XAF1: variants seen among roughly 807,000 people sequenced by gnomAD.
The protein encoded by XAF1 is XIAP-associated factor 1.
A neutral mutation model predicts 32.3 loss-of-function variants in XAF1; 32 were observed. The ratio of observed to expected loss-of-function variants is 0.99; its 90% CI spans 0.75 to 1.33. XAF1 has a LOEUF of 1.33. XAF1 is among the 40% of genes most tolerant of loss of function. The pLI is 0.00. For missense variants in XAF1, 379 were observed against 366.0 expected, an observed-to-expected ratio of 1.04 and a Z score of -0.29; for synonymous variants, 120 against 125.9, an observed-to-expected ratio of 0.95 and a Z score of 0.31.
upstream of XAF1, chr17:6,755,945 G>T: frequency 6.4e-7 from 1 of 1,555,672 alleles, no homozygotes; most frequent in East Asian, 2.3e-5. Context: ...GGAATCAAGG[G>T]GAACTCCTGA....
chr17:6,759,528 A>G (rs1012166713), intron 2 of XAF1, 134 bp from the exon 3 acceptor site: 3 of 1,515,746 alleles, frequency 2.0e-6, no homozygotes, highest in Non-Finnish European at 2.6e-6. Context: ...AGGTAGCCAC[A>G]TCGGATCCCT....
chr17:6,762,217 G>T lies in XAF1; in HGVS notation c.484G>T (p.Glu162Ter), dbSNP rs1246236411. 12 of 1,613,012 alleles carry T rather than the reference G, an allele frequency of 7.4e-6. No homozygotes were observed. The highest frequency in any genetic ancestry group is 1.7e-5 in the Admixed American group (1 of 59,924). ...TCATTATTGCAACCAAATGATTCCA[G>T]AAAATAAGTATTTCCACCATATGGT... ...YCHYCNQMIPENKYFHHMGKC... is the reference protein window; with the variant it reads ...YCHYCNQMIP The change falls in exon 5 of 7, where the codon GAA (glutamate) becomes TAA (stop). Residue 162 changes from glutamate (E) to a stop codon, truncating the protein, a stop_gained. Transcript: ENST00000361842. LOFTEE classifies it high-confidence loss of function.
At chr17:6,764,308 T>C (rs1243448936) in intron 5 of XAF1, among the ~76,000 whole-genome samples, 6 of 152,214 alleles carry the variant, frequency 3.9e-5, no homozygotes, top group Admixed American at 1.3e-4. Context: ...GAGCTTCCTA[T>C]GTGCCTCTCT....
At position 6,773,581 on chromosome 17, in the gene XAF1, A is replaced by G. The variant is rs1976218000; in HGVS notation, c.*412A>G. The G allele has an allele frequency of 6.5e-6, 1 of 154,402 alleles. No individual in the cohort carries two copies. Among genetic ancestry groups the G allele is most frequent in the Admixed American group, 6.5e-5 (1 of 15,306 alleles). The allele number at this position is 154,402 out of a possible 1,614,324, so 9.6% of individuals were successfully genotyped here. A position where few individuals can be genotyped will look rare whatever the true frequency, so the allele number is the denominator to read the frequency against. ...GCAATCAGGCAAGAGAAAGAAATAA[A>G]AGGCAACCAAAAAGAAAGGAAGTCG... is the stretch of plus-strand genomic sequence containing the variant. On this transcript the variant is annotated 3_prime_UTR_variant, in exon 7 of 7. Transcript: ENST00000361842.
chr17:6,756,305 A>C (rs1597706527), intron 1 of XAF1, 195 bp downstream of exon 1: 1 of 1,399,908 alleles, frequency 7.1e-7, no homozygotes. Context: ...GGGCAGCATT[A>C]CCTCCACTTC....
intron 5 of XAF1, among the ~76,000 whole-genome samples, chr17:6,767,698 G>A (rs769313600): frequency 5.3e-5 from 8 of 151,952 alleles, no homozygotes; most frequent in Non-Finnish European, 1.2e-4. Context: ...TTCCCCCATC[G>A]TTTTGGGGCC....
chr17:6,755,901 C>G, upstream of XAF1: 8 of 1,434,034 alleles, frequency 5.6e-6, no homozygotes, highest in Non-Finnish European at 7.3e-6. Flanking sequence ...GCTGGCCATG[C>G]TGTAAAGGGG....
chr17:6,761,822 G>C, intron 4 of XAF1: 8 of 1,344,448 alleles, frequency 6.0e-6, no homozygotes, highest in Non-Finnish European at 7.8e-6. Flanking sequence ...CTGGTGCAAT[G>C]AAAGAGCACA....
intron 5 of XAF1, among the ~76,000 whole-genome samples, chr17:6,767,732 T>G (rs1359358353): frequency 2.0e-5 from 3 of 147,424 alleles, no homozygotes; most frequent in Non-Finnish European, 4.4e-5. Context: ...TCTTGTTCAT[T>G]ACTACTGCTG....
chr17:6,759,195 C>A (rs1165402621), intron 2 of XAF1: 1 of 1,030,248 alleles, frequency 9.7e-7, no homozygotes, highest in African/African-American at 1.7e-5. Context: ...GTTAATCCTG[C>A]CTTTTTCATG....
intron 1 of XAF1, 72 bp from the exon 2 acceptor site, chr17:6,758,017 A>G (rs1974830261): frequency 1.9e-6 from 3 of 1,600,812 alleles, no homozygotes; most frequent in East Asian, 4.5e-5. Flanking sequence ...AGCCCTGGGT[A>G]TGAAATACAG....
At chr17:6,765,324 A>T (rs548295885) in intron 5 of XAF1, among the ~76,000 whole-genome samples, 55 of 152,248 alleles carry the variant, frequency 3.6e-4, no homozygotes, top group Non-Finnish European at 6.9e-4. Flanking sequence ...GAGGCAGGAG[A>T]ATGGCGTGAA....
chr17:6,759,618 G>A (rs1975012481), intron 2 of XAF1, 44 bp from the exon 3 acceptor site: 1 of 1,604,510 alleles, frequency 6.2e-7, no homozygotes, highest in African/African-American at 1.4e-5. Context: ...GTGCTGGGTG[G>A]ACCCACATCT....
At chr17:6,765,657 A>G (rs1262282609) in intron 5 of XAF1, among the ~76,000 whole-genome samples, 2 of 152,134 alleles carry the variant, frequency 1.3e-5, no homozygotes, top group African/African-American at 4.8e-5. Context: ...CCAGTTGTTC[A>G]GGCCAAAATC....
chr17:6,763,827 C>T (rs1393053843), intron 5 of XAF1, among the ~76,000 whole-genome samples: 3 of 152,174 alleles, frequency 2.0e-5, no homozygotes, highest in South Asian at 2.1e-4. Flanking sequence ...GTCTGAGATG[C>T]GCTGCCCCAG....
chr17:6,769,370 T>C (rs1467463912), intron 5 of XAF1, among the ~76,000 whole-genome samples: 1 of 152,220 alleles, frequency 6.6e-6, no homozygotes, highest in Non-Finnish European at 1.5e-5. Flanking sequence ...AATGTATATA[T>C]ATATTAAAAT....
At chr17:6,756,190 A>G in intron 1 of XAF1, 80 bp downstream of exon 1, 1 of 1,608,706 alleles carries the variant, frequency 6.2e-7, no homozygotes, top group South Asian at 1.1e-5. Context: ...TTCTGAAGGG[A>G]GCAGAAAGTG....
chr17:6,758,380 C>G (rs1179006067), intron 2 of XAF1, 156 bp downstream of exon 2: 20 of 1,124,126 alleles, frequency 1.8e-5, no homozygotes, highest in Non-Finnish European at 2.1e-5. Context: ...TCAGTCCTCT[C>G]TGCAGGAGAG....
chr17:6,755,609 G>A (rs1438052101), upstream of XAF1: 18 of 1,013,818 alleles, frequency 1.8e-5, no homozygotes, highest in Non-Finnish European at 1.8e-5. Context: ...CCGCCTGGAA[G>A]TCCAGGAGCC....
Sources: gnomAD v4.1 joint callset for allele counts (sites outside exome capture counted in the v4.1 genomes callset) on GRCh38, gnomAD v4.1.1 for gene constraint, MANE v1.5 for transcripts, NCBI Gene and HGNC (gene_info 2026-07-23, HGNC 2026-07-21) for gene names.